Variants in PLA2G2C observed in about 807,000 individuals in gnomAD.
PLA2G2C encodes putative inactive group IIC secretory phospholipase A2.
PLA2G2C carries 15 observed loss-of-function variants against 14.3 expected under a neutral mutation model. The ratio of observed to expected loss-of-function variants is 1.05; its 90% CI spans 0.70 to 1.62. The LOEUF (loss-of-function observed/expected upper bound fraction) is 1.62, where lower values mean the gene tolerates loss of function less well. PLA2G2C is among the 40% of genes most tolerant of loss of function. The probability of loss-of-function intolerance (pLI) is 0.00; values close to 1 mark genes in which losing one functional copy is unlikely to be tolerated. For synonymous variants in PLA2G2C, 79 were observed against 67.7 expected (o/e 1.17, Z -0.82); for missense variants, 162 against 173.2 (o/e 0.94, Z 0.36).
Position 20,165,520 on chromosome 1 carries a change from T to C in PLA2G2C, c.284-1363A>G, listed in dbSNP as rs914668500. Among the ~76,000 whole-genome samples the C allele has an allele frequency of 8.5e-5, 13 of 152,204 alleles. No homozygotes were observed. In the East Asian group the frequency reaches 2.5e-3, roughly 29 times the overall value. ...GATGCTGCACAGAGCAGATGCTCAA[T>C]AGAATCCATGAATGAAGAATAAGAG... On this transcript the variant is annotated intron_variant, in intron 4 of 4. Coordinates refer to ENST00000679259, the MANE Select transcript of PLA2G2C (RefSeq NM_001367969.2).
chr1:20,176,161 C>T (rs1220347295), intron 2 of PLA2G2C, among the ~76,000 whole-genome samples: 2 of 152,066 alleles, frequency 1.3e-5, no homozygotes, highest in South Asian at 2.1e-4. Flanking sequence ...TCAGGTGATC[C>T]GCCCGCCTCG....
intron 4 of PLA2G2C, among the ~76,000 whole-genome samples, chr1:20,169,791 T>G (rs543265155): frequency 6.6e-6 from 1 of 152,282 alleles, no homozygotes; most frequent in Admixed American, 6.5e-5. Context: ...GGGGTGGAGC[T>G]GGAATTAGAC....
chr1:20,169,558 A>G (rs1339252268), intron 4 of PLA2G2C, among the ~76,000 whole-genome samples: 1 of 152,214 alleles, frequency 6.6e-6, no homozygotes, highest in African/African-American at 2.4e-5. Flanking sequence ...CTTCAAAGAA[A>G]CAGTAATAAA....
intron 4 of PLA2G2C, among the ~76,000 whole-genome samples, chr1:20,167,415 G>A (rs1431176654): frequency 6.6e-6 from 1 of 152,132 alleles, no homozygotes; most frequent in East Asian, 1.9e-4. Context: ...AGCCACTCAG[G>A]CCAGGAGCCT....
chr1:20,183,751 G>A (rs917719856), intron 1 of PLA2G2C, among the ~76,000 whole-genome samples: 1 of 152,182 alleles, frequency 6.6e-6, no homozygotes. Flanking sequence ...AAGAGAGCAG[G>A]GTGGGGCAGG....
intron 4 of PLA2G2C, among the ~76,000 whole-genome samples, chr1:20,170,877 C>T (rs2100715864): frequency 7.1e-6 from 1 of 141,736 alleles, no homozygotes; most frequent in East Asian, 2.0e-4. Context: ...GGTCCAACTC[C>T]CAGCCCTGGC....
intron 1 of PLA2G2C, among the ~76,000 whole-genome samples, chr1:20,183,547 G>A (rs1157901562): frequency 6.6e-6 from 1 of 152,228 alleles, no homozygotes; most frequent in Non-Finnish European, 1.5e-5. Flanking sequence ...CCATTAAGGA[G>A]CGTTGTGAAG....
At chr1:20,179,210 C>CTGTGTG (rs759867848) in intron 1 of PLA2G2C, among the ~76,000 whole-genome samples, 29 of 127,704 alleles carry the variant, frequency 2.3e-4, no homozygotes, top group African/African-American at 9.9e-4. Context: ...ATGTCAGTTT[C>CTGTGTG]TCTGTGTGTG....
intron 4 of PLA2G2C, among the ~76,000 whole-genome samples, chr1:20,171,577 T>G (rs2018074409): frequency 6.6e-6 from 1 of 152,038 alleles, no homozygotes; most frequent in South Asian, 2.1e-4. Flanking sequence ...ATGGAGGATG[T>G]ATCTCCCGCC....
intron 4 of PLA2G2C, among the ~76,000 whole-genome samples, chr1:20,165,360 TCTCA>T (rs1275103853): frequency 4.6e-5 from 7 of 152,220 alleles, no homozygotes. Flanking sequence ...TACCCGTTTG[TCTCA>T]CTCACTGTGC....
chr1:20,169,586 A>C (rs538780778), intron 4 of PLA2G2C, among the ~76,000 whole-genome samples: 1 of 152,348 alleles, frequency 6.6e-6, no homozygotes, highest in South Asian at 2.1e-4. Flanking sequence ...CCAGTGCCGT[A>C]AGCAAAGAGG....
chr1:20,174,968 A>T (rs2018153205), intron 3 of PLA2G2C, 39 bp downstream of exon 3: 1 of 1,566,830 alleles, frequency 6.4e-7, no homozygotes, highest in South Asian at 1.2e-5. Flanking sequence ...ACTTTAATGC[A>T]AAACAAATGA....
At chr1:20,184,102 G>A (rs1203444366) in intron 1 of PLA2G2C, 2 of 152,214 alleles carry the variant, frequency 1.3e-5, no homozygotes, top group Non-Finnish European at 2.9e-5. Context: ...GAGAGCAAAA[G>A]GCAGGTACTG....
intron 4 of PLA2G2C, among the ~76,000 whole-genome samples, chr1:20,168,183 T>C (rs2018008339): frequency 6.6e-6 from 1 of 152,196 alleles, no homozygotes; most frequent in South Asian, 2.1e-4. Flanking sequence ...CTTTGGGGTG[T>C]CAGGCAAGTT....
intron 1 of PLA2G2C, among the ~76,000 whole-genome samples, chr1:20,183,302 C>T (rs768503927): frequency 6.6e-6 from 1 of 152,216 alleles, no homozygotes; most frequent in Non-Finnish European, 1.5e-5. Context: ...AGGATTGATA[C>T]TCAAGCTTTG....
At chr1:20,180,794 T>C (rs1247505176) in intron 1 of PLA2G2C, among the ~76,000 whole-genome samples, 1 of 152,240 alleles carries the variant, frequency 6.6e-6, no homozygotes, top group Non-Finnish European at 1.5e-5. Context: ...GTAGAAAGCA[T>C]GGCATGGCCT....
At position 20,175,161 on chromosome 1, in the gene PLA2G2C, A is replaced by T. The variant is rs2018160918; in HGVS notation, c.41-16T>A. 6.2e-7 allele frequency: 1 copy of T among 1,613,916 alleles called. No homozygotes were observed. The highest frequency in any genetic ancestry group is 1.6e-4 in the Middle Eastern group (1 of 6,062). The stretch of plus-strand genomic sequence containing the variant: ...TGGGTGGGGGCTGCCACCACCGATG[A>T]GAAAAAAAGGAAGAAGGAAGTTGCA... On this transcript the variant is annotated splice_polypyrimidine_tract_variant and intron_variant, in intron 2 of 4. Coordinates refer to ENST00000679259, the MANE Select transcript of PLA2G2C (RefSeq NM_001367969.2).
At chr1:20,179,749 T>C (rs1034296288) in intron 1 of PLA2G2C, among the ~76,000 whole-genome samples, 25 of 150,032 alleles carry the variant, frequency 1.7e-4, no homozygotes, top group Non-Finnish European at 3.0e-5. Flanking sequence ...TGTGTGTGTG[T>C]GTGTGTGTGT....
At chr1:20,183,650 T>C (rs1376391292) in intron 1 of PLA2G2C, among the ~76,000 whole-genome samples, 1 of 151,834 alleles carries the variant, frequency 6.6e-6, no homozygotes, top group Non-Finnish European at 1.5e-5. Flanking sequence ...TGAGCTTTTG[T>C]GGGGAGGCTG....
Sources: allele counts gnomAD v4.1 joint callset (sites outside exome capture counted in the v4.1 genomes callset), GRCh38; gene constraint gnomAD v4.1.1; transcripts MANE v1.5; gene names NCBI Gene and HGNC (gene_info 2026-07-23, HGNC 2026-07-21).